LRRC7: variants seen among roughly 807,000 people sequenced by gnomAD.
The protein encoded by LRRC7 is leucine rich repeat containing 7, also known as leucine-rich repeat-containing protein 7.
LRRC7 carries 23 observed loss-of-function variants against 175.7 expected under a neutral mutation model. The ratio of observed to expected loss-of-function variants is 0.13; its 90% CI spans 0.09 to 0.19. The LOEUF is 0.19. Ranked by LOEUF, LRRC7 falls within the 10% of genes least tolerant of loss-of-function variation. LRRC7 has a pLI of 1.00. For synonymous variants in LRRC7, 685 were observed against 680.9 expected, an observed-to-expected ratio of 1.01 and a Z score of -0.09; for missense variants, 1,354 against 1,904.7, an observed-to-expected ratio of 0.71 and a Z score of 5.38.
intron 8 of LRRC7, among the ~76,000 whole-genome samples, chr1:69,936,772 CCTGTGTGCT>C (rs1042637775): frequency 1.3e-5 from 2 of 152,054 alleles, no homozygotes; most frequent in Non-Finnish European, 2.9e-5. Flanking sequence ...TCTTTGTGTC[CCTGTGTGCT>C]CAATGTTTAG....
rs566508755 is a variant in LRRC7 at position 69,778,207 on chromosome 1, C to T, written c.304-13836C>T. On this transcript the variant is annotated intron_variant, in intron 3 of 26. Transcript: ENST00000651989. ...TTTGTTCCACTCTCCTCTGTGCCTC[C>T]ATATTACCATGTATACAATTCCATA... 1.4e-4 allele frequency among the ~76,000 whole-genome samples: 21 copies of T among 152,260 alleles called. 1 individual carries two copies. The South Asian group carries it at 4.2e-3, about 30-fold the overall frequency.
chr1:69,901,790 T>C (rs1319965191), intron 7 of LRRC7, among the ~76,000 whole-genome samples: 2 of 152,172 alleles, frequency 1.3e-5, no homozygotes, highest in Non-Finnish European at 2.9e-5. Flanking sequence ...ATGCTGATGC[T>C]AGTGTTATTT....
Position 69,742,921 on chromosome 1 carries a change from T to G in LRRC7, c.101-17270T>G, listed in dbSNP as rs1196870671. On this transcript the variant is annotated intron_variant, in intron 2 of 26. Coordinates refer to ENST00000651989, the MANE Select transcript of LRRC7 (RefSeq NM_001370785.2). ...AGATTTACTAAGAATAACAAGATAT[T>G]CTGTTGTTAAAGGAAGCAGAGTTGT... Among the ~76,000 whole-genome samples, 3 of 151,996 alleles carry G rather than the reference T, an allele frequency of 2.0e-5. No individual in the cohort carries two copies. In the East Asian group the frequency reaches 5.8e-4, roughly 29 times the overall value.
chr1:69,789,942 C>T (rs1246232277), intron 3 of LRRC7, among the ~76,000 whole-genome samples: 1 of 151,966 alleles, frequency 6.6e-6, no homozygotes, highest in Non-Finnish European at 1.5e-5. Flanking sequence ...TTCACAAGTA[C>T]CTTATTTCAT....
At chr1:69,819,652 G>A (rs936903933) in intron 4 of LRRC7, among the ~76,000 whole-genome samples, 2 of 144,214 alleles carry the variant, frequency 1.4e-5, no homozygotes, top group South Asian at 2.4e-4. Flanking sequence ...GCAGGGTATC[G>A]AAGTCCCTAC....
chr1:69,728,832 G>GT (rs1298680594), intron 2 of LRRC7, among the ~76,000 whole-genome samples: 1 of 152,158 alleles, frequency 6.6e-6, no homozygotes, highest in African/African-American at 2.4e-5. Context: ...GCTGGATAAT[G>GT]GCAATAGTAT....
rs536021750 is a variant in LRRC7 at position 69,994,753 on chromosome 1, G to T, written c.1004+120G>T. 13 of 589,446 alleles carry T rather than the reference G, an allele frequency of 2.2e-5. No individual in the cohort carries two copies. In the East Asian group the frequency reaches 3.4e-4, roughly 16 times the overall value. 36.5% of individuals were successfully genotyped at this position (589,446 alleles called of 1,614,324 possible). ...TACCAATAATCCTGTTCATCTGTCA[G>T]CTTATTTTAAACCATATTTTATTTA... On this transcript the variant is annotated intron_variant, in intron 11 of 26. Coordinates refer to ENST00000651989, the MANE Select transcript of LRRC7 (RefSeq NM_001370785.2).
At chr1:70,095,162 T>A (rs944166390) in intron 25 of LRRC7, among the ~76,000 whole-genome samples, 7 of 152,146 alleles carry the variant, frequency 4.6e-5, no homozygotes, top group Admixed American at 3.9e-4. Flanking sequence ...TTTGAAAAAA[T>A]TTATGCATTA....
At chr1:69,839,243 G>A (rs1681460812) in intron 7 of LRRC7, among the ~76,000 whole-genome samples, 2 of 151,980 alleles carry the variant, frequency 1.3e-5, no homozygotes, top group Admixed American at 1.3e-4. Context: ...TATTAAAATT[G>A]TCATTGCAAT....
At chr1:69,623,732 T>TATAG (rs763311192) in intron 1 of LRRC7, among the ~76,000 whole-genome samples, 1 of 152,192 alleles carries the variant, frequency 6.6e-6, no homozygotes, top group South Asian at 2.1e-4. Context: ...GTATTATTAG[T>TATAG]ATAGATAGGG....
intron 4 of LRRC7, among the ~76,000 whole-genome samples, chr1:69,816,527 A>G (rs1200490131): frequency 6.6e-6 from 1 of 152,098 alleles, no homozygotes; most frequent in Admixed American, 6.5e-5. Flanking sequence ...TTATCTCTAT[A>G]TTTTAGTGGA....
intron 7 of LRRC7, among the ~76,000 whole-genome samples, chr1:69,869,817 T>G (rs1685334557): frequency 6.6e-6 from 1 of 152,138 alleles, no homozygotes; most frequent in African/African-American, 2.4e-5. Context: ...GGATTTGAAA[T>G]CAGAAGGATT....
intron 2 of LRRC7, among the ~76,000 whole-genome samples, chr1:69,697,796 T>A (rs1024305464): frequency 6.6e-6 from 1 of 152,204 alleles, no homozygotes; most frequent in African/African-American, 2.4e-5. Flanking sequence ...CTATTTATGT[T>A]CATTAGTGAT....
chr1:69,688,337 C>A (rs1661430783), intron 2 of LRRC7, among the ~76,000 whole-genome samples: 1 of 152,144 alleles, frequency 6.6e-6, no homozygotes, highest in Non-Finnish European at 1.5e-5. Context: ...TTTATCAGTT[C>A]CTTTTTTGTA....
At chr1:69,793,926 T>C (rs1675416903) in intron 4 of LRRC7, among the ~76,000 whole-genome samples, 1 of 151,750 alleles carries the variant, frequency 6.6e-6, no homozygotes, top group African/African-American at 2.4e-5. Flanking sequence ...TGAGAGTAAT[T>C]GAGAAGTTAA....
intron 9 of LRRC7, among the ~76,000 whole-genome samples, chr1:69,982,461 A>C (rs1465865328): frequency 2.0e-5 from 3 of 152,350 alleles, no homozygotes; most frequent in East Asian, 3.9e-4. Flanking sequence ...GTTTCACAGA[A>C]TAATTAAAAC....
intron 1 of LRRC7, among the ~76,000 whole-genome samples, chr1:69,622,638 T>C (rs1650811530): frequency 6.6e-6 from 1 of 152,114 alleles, no homozygotes; most frequent in Admixed American, 6.6e-5. Context: ...TGGAGAACTA[T>C]ATAGAAACTC....
chr1:69,570,645 G>C (rs1645703836), intron 1 of LRRC7, among the ~76,000 whole-genome samples: 1 of 152,110 alleles, frequency 6.6e-6, no homozygotes, highest in Non-Finnish European at 1.5e-5. Flanking sequence ...GGACTCTAAG[G>C]GAACTACCAC....
At chr1:69,729,396 C>A (rs1487647042) in intron 2 of LRRC7, among the ~76,000 whole-genome samples, 2 of 152,050 alleles carry the variant, frequency 1.3e-5, no homozygotes, top group African/African-American at 4.8e-5. Flanking sequence ...AAATCAAAAG[C>A]AAGTTAGTTA....
Sources: allele counts gnomAD v4.1 joint callset (sites outside exome capture counted in the v4.1 genomes callset), GRCh38; gene constraint gnomAD v4.1.1; transcripts MANE v1.5; gene names NCBI Gene and HGNC (gene_info 2026-07-23, HGNC 2026-07-21).